CYYR1: variants seen among roughly 807,000 people sequenced by gnomAD.
CYYR1 encodes the protein cysteine and tyrosine rich 1.
A neutral mutation model predicts 15.2 loss-of-function variants in CYYR1; 14 were observed. That is an observed-to-expected ratio of 0.92 (90% CI 0.61 to 1.44). The LOEUF (loss-of-function observed/expected upper bound fraction) is 1.44. Ranked by LOEUF, CYYR1 falls within the 40% of genes most tolerant of loss-of-function variation. CYYR1 has a pLI of 0.00. For missense variants in CYYR1, 228 were observed against 209.5 expected, an observed-to-expected ratio of 1.09 and a Z score of -0.54; for synonymous variants, 80 against 77.4, an observed-to-expected ratio of 1.03 and a Z score of -0.18.
chr21:26,564,689 A>T (rs928820921), intron 2 of CYYR1: 18 of 1,108,798 alleles, frequency 1.6e-5, no homozygotes, highest in Non-Finnish European at 2.0e-5. Context: ...AGTGAGAAAG[A>T]GGGCACACAG....
chr21:26,573,040 G>C lies in CYYR1; in HGVS notation c.-100C>G. 6.3e-7 allele frequency: 1 copy of C among 1,594,826 alleles called. No homozygotes were observed. Among genetic ancestry groups the C allele is most frequent in the African/African-American group, 1.3e-5 (1 of 74,518 alleles). On this transcript the variant is annotated 5_prime_UTR_variant, in exon 1 of 4. Coordinates refer to ENST00000652641, the MANE Select transcript of CYYR1 (RefSeq NM_001320768.2). ...CAGATGGAGAGAGCAGCGCTCCTGA[G>C]AGCCGGGTGGAGCAGAGACCCGGCC... is the stretch of plus-strand genomic sequence containing the variant.
chr21:26,523,696 G>T (rs776887108), intron 2 of CYYR1, among the ~76,000 whole-genome samples: 31 of 151,952 alleles, frequency 2.0e-4, no homozygotes, highest in Admixed American at 3.3e-4. Context: ...TTCATTTCTG[G>T]GACCTTTTCA....
At chr21:26,520,559 T>C (rs1422946257) in intron 2 of CYYR1, among the ~76,000 whole-genome samples, 3 of 152,208 alleles carry the variant, frequency 2.0e-5, no homozygotes, top group Admixed American at 1.3e-4. Context: ...TGTGTCTTTA[T>C]AGTAGAATGA....
chr21:26,562,759 CAGAG>C (rs768838613), intron 2 of CYYR1, among the ~76,000 whole-genome samples: 7 of 119,902 alleles, frequency 5.8e-5, no homozygotes, highest in South Asian at 2.7e-4. Context: ...CACACACACA[CAGAG>C]ACATACACAA....
At chr21:26,570,308 C>T (rs2123749878) in intron 1 of CYYR1, among the ~76,000 whole-genome samples, 1 of 152,288 alleles carries the variant, frequency 6.6e-6, no homozygotes, top group East Asian at 1.9e-4. Context: ...CAACTCACCC[C>T]TGACTCCCAA....
chr21:26,549,155 A>C (rs1979195185), intron 2 of CYYR1, among the ~76,000 whole-genome samples: 1 of 152,176 alleles, frequency 6.6e-6, no homozygotes, highest in Admixed American at 6.5e-5. Context: ...AAAATAGAGC[A>C]GGTTTTACTG....
At chr21:26,503,975 G>A (rs1042218215) in intron 2 of CYYR1, among the ~76,000 whole-genome samples, 5 of 151,860 alleles carry the variant, frequency 3.3e-5, no homozygotes, top group Non-Finnish European at 7.4e-5. Context: ...ATGTATTATC[G>A]TTCTCTGTGG....
intron 2 of CYYR1, among the ~76,000 whole-genome samples, chr21:26,519,043 C>A (rs2065770213): frequency 6.6e-6 from 1 of 152,140 alleles, no homozygotes; most frequent in Non-Finnish European, 1.5e-5. Context: ...AGTTCCAAGT[C>A]TTATACATTT....
intron 2 of CYYR1, among the ~76,000 whole-genome samples, chr21:26,558,002 A>G (rs1307810133): frequency 6.6e-6 from 1 of 152,218 alleles, no homozygotes; most frequent in African/African-American, 2.4e-5. Context: ...ACATCCCATC[A>G]GTCCTCAAGT....
chr21:26,557,165 T>C (rs771866693), intron 2 of CYYR1, among the ~76,000 whole-genome samples: 18 of 152,324 alleles, frequency 1.2e-4, no homozygotes, highest in South Asian at 2.1e-4. Context: ...AATTAACTTA[T>C]ATGTTTTACA....
At chr21:26,486,476 C>T (rs965252917) in intron 2 of CYYR1, among the ~76,000 whole-genome samples, 1 of 151,938 alleles carries the variant, frequency 6.6e-6, no homozygotes, top group Admixed American at 6.6e-5. Context: ...TTCATTATTA[C>T]CAGATTATTT....
intron 2 of CYYR1, among the ~76,000 whole-genome samples, chr21:26,512,427 C>A (rs1017017520): frequency 6.6e-6 from 1 of 151,892 alleles, no homozygotes; most frequent in Admixed American, 6.6e-5. Flanking sequence ...GATCTTGAAC[C>A]CCTCATCTCA....
At chr21:26,487,761 T>C (rs1245524036) in intron 2 of CYYR1, among the ~76,000 whole-genome samples, 1 of 152,090 alleles carries the variant, frequency 6.6e-6, no homozygotes, top group Non-Finnish European at 1.5e-5. Flanking sequence ...TGAGTCTGGT[T>C]ACATGTACAT....
intron 2 of CYYR1, among the ~76,000 whole-genome samples, chr21:26,507,464 CT>C (rs2065584333): frequency 6.6e-6 from 1 of 152,158 alleles, no homozygotes. Context: ...TGCAATCTAT[CT>C]TTACACAAAT....
At position 26,573,014 on chromosome 21, in the gene CYYR1, T is replaced by G; in HGVS notation, c.-74A>C. 1 of 1,610,098 alleles carries G rather than the reference T, an allele frequency of 6.2e-7. No homozygotes were observed. Among genetic ancestry groups the G allele is most frequent in the Non-Finnish European group, 8.5e-7 (1 of 1,178,196 alleles). On this transcript the variant is annotated 5_prime_UTR_variant, in exon 1 of 4. The change abolishes the stop of an existing upstream ORF in the 5' untranslated region. Coordinates refer to ENST00000652641, the MANE Select transcript of CYYR1 (RefSeq NM_001320768.2). The stretch of plus-strand genomic sequence containing the variant: ...AGGGAATGGGGAGGATGGAGGGCGA[T>G]CAGATGGAGAGAGCAGCGCTCCTGA...
intron 2 of CYYR1, among the ~76,000 whole-genome samples, chr21:26,544,636 C>T (rs1978821268): frequency 6.6e-6 from 1 of 151,962 alleles, no homozygotes; most frequent in Non-Finnish European, 1.5e-5. Flanking sequence ...CCTGGTGACC[C>T]TGAAGAAACA....
At position 26,573,066 on chromosome 21, in the gene CYYR1, A is replaced by G; in HGVS notation, c.-126T>C. 1.3e-6 allele frequency: 2 copies of G among 1,547,252 alleles called. No individual in the cohort carries two copies. The highest frequency in any genetic ancestry group is 1.2e-5 in the South Asian group (1 of 86,400). Reference sequence around the variant, plus strand: ...AGCCGGGTGGAGCAGAGACCCGGCCATTGCCTAGGGAGCCTTCCAAGGGAG... The same window carrying G: ...AGCCGGGTGGAGCAGAGACCCGGCCGTTGCCTAGGGAGCCTTCCAAGGGAG... On this transcript the variant is annotated 5_prime_UTR_variant, in exon 1 of 4. It removes an upstream start codon present in the reference 5' UTR. Transcript: ENST00000652641.
In CYYR1 at chr21:26,516,775, G is replaced by A. The variant is rs115126626; in HGVS notation, c.177-36346C>T. On this transcript the variant is annotated intron_variant, in intron 2 of 3. Transcript: ENST00000652641. ...ATTCAGCTATAAGCTAGCAAGTAAT[G>A]AAAGGATTCTAGGGAATAATAAAAG... 7.9e-3 allele frequency among the ~76,000 whole-genome samples: 1,208 copies of A among 152,288 alleles called. 17 individuals carry two copies. Among genetic ancestry groups the A allele is most frequent in the African/African-American group, 0.027 (1,106 of 41,546 alleles).
chr21:26,507,306 G>T lies in CYYR1; in HGVS notation c.177-26877C>A, dbSNP rs548855217. The stretch of plus-strand genomic sequence containing the variant: ...GCAAAAACAGCAATGTCCCATCTCA[G>T]AACATATGCTATACTATAGTAAGGA... On this transcript the variant is annotated intron_variant, in intron 2 of 3. Coordinates refer to ENST00000652641, the MANE Select transcript of CYYR1 (RefSeq NM_001320768.2). Among the ~76,000 whole-genome samples the T allele has an allele frequency of 1.5e-4, 23 of 152,258 alleles. No homozygotes were observed. In the South Asian group the frequency reaches 3.9e-3, roughly 26 times the overall value.
Sources: gnomAD v4.1 joint callset for allele counts (sites outside exome capture counted in the v4.1 genomes callset) on GRCh38, gnomAD v4.1.1 for gene constraint, MANE v1.5 for transcripts, NCBI Gene and HGNC (gene_info 2026-07-23, HGNC 2026-07-21) for gene names.